Variants in CEP128 observed in about 807,000 individuals in gnomAD.
CEP128 encodes the protein centrosomal protein 128kDa.
CEP128 carries 132 observed loss-of-function variants against 156.7 expected under a neutral mutation model. The ratio of observed to expected loss-of-function variants is 0.84; its 90% CI spans 0.73 to 0.97. CEP128 has a LOEUF of 0.97. Among genes scored for constraint, CEP128 ranks in the 50% least tolerant of loss-of-function variants. The pLI is 0.00. For synonymous variants in CEP128, 469 were observed against 448.9 expected, an observed-to-expected ratio of 1.04 and a Z score of -0.57; for missense variants, 1,252 against 1,281.9, an observed-to-expected ratio of 0.98 and a Z score of 0.36.
At chr14:80,790,117 A>T (rs1566627891) in intron 14 of CEP128, among the ~76,000 whole-genome samples, 1 of 152,120 alleles carries the variant, frequency 6.6e-6, no homozygotes, top group Admixed American at 6.5e-5. Context: ...GGAAATACAC[A>T]GAAGGAATAG....
At chr14:80,504,131 T>C (rs956617588) in intron 24 of CEP128, among the ~76,000 whole-genome samples, 1 of 152,144 alleles carries the variant, frequency 6.6e-6, no homozygotes. Context: ...TGGATCCCAA[T>C]AGTTTAGATA....
At chr14:80,922,520 T>C (rs1390449155) in intron 2 of CEP128, among the ~76,000 whole-genome samples, 3 of 152,112 alleles carry the variant, frequency 2.0e-5, no homozygotes, top group Admixed American at 6.6e-5. Context: ...ACATAAAAAT[T>C]GGAGGATATA....
At chr14:80,770,812 A>G (rs1484522921) in intron 16 of CEP128, among the ~76,000 whole-genome samples, 1 of 152,174 alleles carries the variant, frequency 6.6e-6, no homozygotes, top group African/African-American at 2.4e-5. Context: ...CTGCCTAAAA[A>G]TGGTCTAAAG....
intron 19 of CEP128, among the ~76,000 whole-genome samples, chr14:80,711,719 T>TTATCTATC (rs1197300439): frequency 6.6e-6 from 1 of 152,128 alleles, no homozygotes; most frequent in Non-Finnish European, 1.5e-5. Flanking sequence ...TATAATTGAA[T>TTATCTATC]TATCTATAAC....
At chr14:80,742,475 A>G (rs909141156) in intron 19 of CEP128, among the ~76,000 whole-genome samples, 4 of 152,164 alleles carry the variant, frequency 2.6e-5, no homozygotes, top group African/African-American at 9.7e-5. Flanking sequence ...GAACATATCA[A>G]TAGGCCTCTA....
intron 21 of CEP128, among the ~76,000 whole-genome samples, chr14:80,538,925 T>C (rs771420455): frequency 4.6e-5 from 7 of 152,224 alleles, no homozygotes; most frequent in Non-Finnish European, 1.0e-4. Context: ...TTGTGTGACC[T>C]ATTAATGCTT....
At chr14:80,918,895 T>G (rs1884702692) in intron 2 of CEP128, among the ~76,000 whole-genome samples, 2 of 152,184 alleles carry the variant, frequency 1.3e-5, no homozygotes, top group Non-Finnish European at 2.9e-5. Context: ...TGGTCCCAGA[T>G]TAAGGGGTTT....
chr14:80,932,638 C>T (rs761481823), intron 2 of CEP128, among the ~76,000 whole-genome samples: 154 of 152,064 alleles, frequency 1.0e-3, no homozygotes, highest in Non-Finnish European at 1.9e-3. Flanking sequence ...GACCCCAAGA[C>T]GGGACTGTCT....
At chr14:80,701,939 A>G (rs923538383) in intron 19 of CEP128, among the ~76,000 whole-genome samples, 4 of 152,140 alleles carry the variant, frequency 2.6e-5, no homozygotes, top group Non-Finnish European at 4.4e-5. Context: ...AGATGTGCAC[A>G]TGAATACATT....
Position 80,785,325 on chromosome 14 carries a change from T to A in CEP128, c.1781A>T (p.Glu594Val). 1 of 1,614,180 alleles carries A rather than the reference T, an allele frequency of 6.2e-7. No individual in the cohort carries two copies. The highest frequency in any genetic ancestry group is 8.5e-7 in the Non-Finnish European group (1 of 1,180,022). Residue 594 changes from glutamate to valine, a missense_variant, in exon 15 of 25, where the codon GAA (glutamate) becomes GTA (valine). Coordinates refer to ENST00000555265, the MANE Select transcript of CEP128 (RefSeq NM_152446.5). ...SLDTIHRLESELKKQSKIQSQ... is the reference protein window; with the variant it reads ...SLDTIHRLESVLKKQSKIQSQ... The stretch of plus-strand genomic sequence containing the variant: ...TTGGATCTTACTCTGCTTTTTCAAT[T>A]CGCTCTCCAGTCTATGGATGGTATC...
chr14:80,837,208 A>G (rs988777467), intron 11 of CEP128, among the ~76,000 whole-genome samples: 1 of 152,224 alleles, frequency 6.6e-6, no homozygotes, highest in Non-Finnish European at 1.5e-5. Context: ...ATCTTTGCTT[A>G]CCCTTAGCAT....
At chr14:80,917,046 T>C (rs187471800) in intron 2 of CEP128, among the ~76,000 whole-genome samples, 69 of 152,336 alleles carry the variant, frequency 4.5e-4, no homozygotes, top group Non-Finnish European at 4.4e-4. Context: ...TCAGTGTACA[T>C]TGACAACTCT....
At chr14:80,799,833 A>T (rs1366404271) in intron 13 of CEP128, among the ~76,000 whole-genome samples, 1 of 152,096 alleles carries the variant, frequency 6.6e-6, no homozygotes, top group Non-Finnish European at 1.5e-5. Context: ...GTTATTTAAG[A>T]TGTTTATCAA....
chr14:80,538,456 A>G (rs950652102), intron 21 of CEP128, among the ~76,000 whole-genome samples: 6 of 152,176 alleles, frequency 3.9e-5, no homozygotes, highest in Non-Finnish European at 7.4e-5. Context: ...TTTTCCCCAC[A>G]ATGCTATAAG....
At chr14:80,751,205 T>C (rs1899372830) in intron 18 of CEP128, among the ~76,000 whole-genome samples, 1 of 152,250 alleles carries the variant, frequency 6.6e-6, no homozygotes. Flanking sequence ...TAATATGACC[T>C]ATGGCTTCAG....
intron 2 of CEP128, among the ~76,000 whole-genome samples, chr14:80,935,646 C>CA (rs375122664): frequency 0.59 from 30,529 of 51,544 alleles, 12,334 homozygotes; most frequent in Admixed American, 0.69. Context: ...GTCCCCCCAC[C>CA]AAAAAAAAAA....
At chr14:80,597,948 TACAA>T (rs1566802430) in intron 19 of CEP128, among the ~76,000 whole-genome samples, 3 of 26,646 alleles carry the variant, frequency 1.1e-4, no homozygotes, top group Admixed American at 9.2e-4. Flanking sequence ...ATTCCTCAGC[TACAA>T]AAAAAAAAAA....
At chr14:80,504,341 T>C (rs913481150) in intron 24 of CEP128, among the ~76,000 whole-genome samples, 2 of 152,138 alleles carry the variant, frequency 1.3e-5, no homozygotes, top group Non-Finnish European at 2.9e-5. Context: ...ACTGTGAAGC[T>C]TCTTTAAGGA....
upstream of CEP128, among the ~76,000 whole-genome samples, chr14:80,943,690 CCAAAA>C (rs1236055511): frequency 6.6e-6 from 1 of 152,066 alleles, no homozygotes; most frequent in East Asian, 1.9e-4. Context: ...ACGTGGCATC[CCAAAA>C]AAATGTAGTG....
Sources: allele counts gnomAD v4.1 joint callset (sites outside exome capture counted in the v4.1 genomes callset), GRCh38; gene constraint gnomAD v4.1.1; transcripts MANE v1.5; gene names NCBI Gene and HGNC (gene_info 2026-07-23, HGNC 2026-07-21).